Variants in DLGAP2 observed in about 807,000 individuals in gnomAD.
DLGAP2 encodes DLG associated protein 2, also known as disks large-associated protein 2.
In DLGAP2, 26 loss-of-function variants were observed where a neutral mutation model predicts 100.3. That is an observed-to-expected ratio of 0.26 (90% confidence interval 0.19 to 0.36). The LOEUF is 0.36. Ranked by LOEUF, DLGAP2 falls within the 10% of genes least tolerant of loss-of-function variation. DLGAP2 has a pLI of 1.00. For synonymous variants in DLGAP2, 886 were observed against 630.1 expected (o/e 1.41, Z -6.08); for missense variants, 1,858 against 1,453.2 (o/e 1.28, Z -4.53).
At chr8:1,076,949 C>T (rs1563179399) in intron 2 of DLGAP2, among the ~76,000 whole-genome samples, 1 of 145,438 alleles carries the variant, frequency 6.9e-6, no homozygotes, top group Admixed American at 6.8e-5. Flanking sequence ...TCCCGGGCCC[C>T]CCAAGACCAA....
At chr8:1,483,886 T>G (rs7814458) in intron 3 of DLGAP2, among the ~76,000 whole-genome samples, 83,244 of 152,122 alleles carry the variant, frequency 0.55, 24,394 homozygotes, top group Admixed American at 0.66. Context: ...CCTGTTAGTT[T>G]CAAACATAGC....
intron 1 of DLGAP2, among the ~76,000 whole-genome samples, chr8:841,797 C>T (rs141947044): frequency 6.6e-6 from 1 of 152,304 alleles, no homozygotes; most frequent in Non-Finnish European, 1.5e-5. Flanking sequence ...CTGATACTTC[C>T]AATTTGAACT....
In DLGAP2 at chr8:1,023,859, G is replaced by A. The variant is rs1046545936; in HGVS notation, c.73+115893G>A. 8.9e-5 allele frequency among the ~76,000 whole-genome samples: 7 copies of A among 78,932 alleles called. No individual in the cohort carries two copies. In the East Asian group the frequency reaches 9.7e-4, roughly 11 times the overall value. The allele number at this position is 78,932 out of a possible 152,430, so 51.8% of individuals were successfully genotyped here. ...CTGCAAGTGCTCAAACTTTATATAT[G>A]TGTGTGTGTGTGTGTGTGTGTGTGT... is the stretch of plus-strand genomic sequence containing the variant. On this transcript the variant is annotated intron_variant, in intron 2 of 14. Coordinates refer to ENST00000637795, the MANE Select transcript of DLGAP2 (RefSeq NM_001346810.2).
At chr8:740,285 C>T (rs188377858) in intron 1 of DLGAP2, 1 of 152,304 alleles carries the variant, frequency 6.6e-6, no homozygotes, top group African/African-American at 2.4e-5. Context: ...TATTCAATGT[C>T]TATTTGTTAT....
chr8:941,254 C>T (rs1319191033), intron 2 of DLGAP2, among the ~76,000 whole-genome samples: 1 of 152,084 alleles, frequency 6.6e-6, no homozygotes, highest in Non-Finnish European at 1.5e-5. Flanking sequence ...CTGGTTTTAG[C>T]ATAGACTGAG....
At chr8:862,748 G>A (rs1797417539) in intron 1 of DLGAP2, among the ~76,000 whole-genome samples, 1 of 152,188 alleles carries the variant, frequency 6.6e-6, no homozygotes. Context: ...CCAGTTGGAC[G>A]TGGTTGAACT....
intron 1 of DLGAP2, chr8:822,163 G>A (rs985460088): frequency 1.5e-5 from 6 of 399,402 alleles, no homozygotes; most frequent in South Asian, 2.5e-4. Context: ...CTCTGCCTGC[G>A]CCCAGCCCAG....
chr8:1,464,283 C>T lies in DLGAP2; in HGVS notation c.107-37083C>T, dbSNP rs1202999807. Among the ~76,000 whole-genome samples, 12 of 41,474 alleles carry T rather than the reference C, an allele frequency of 2.9e-4. 1 individual carries two copies. The highest frequency in any genetic ancestry group is 9.2e-4 in the African/African-American group (9 of 9,766). The allele number at this position is 41,474 out of a possible 152,430, so 27.2% of individuals were successfully genotyped here. A position where few individuals can be genotyped will look rare whatever the true frequency, so the allele number is the denominator to read the frequency against. The stretch of plus-strand genomic sequence containing the variant: ...CTTCCAGGACGGCACCCTTCCAGGA[C>T]AACGCCCTTCCAGGATGGCACCCTT... On this transcript the variant is annotated intron_variant, in intron 3 of 14. Coordinates refer to ENST00000637795, the MANE Select transcript of DLGAP2 (RefSeq NM_001346810.2).
chr8:847,504 C>A (rs1480519333), intron 1 of DLGAP2, among the ~76,000 whole-genome samples: 1 of 151,132 alleles, frequency 6.6e-6, no homozygotes, highest in African/African-American at 2.4e-5. Flanking sequence ...GTACTTTTTT[C>A]TTTTCTTTTT....
intron 3 of DLGAP2, among the ~76,000 whole-genome samples, chr8:1,315,103 G>C (rs1800701717): frequency 6.6e-6 from 1 of 152,258 alleles, no homozygotes; most frequent in Admixed American, 6.5e-5. Flanking sequence ...CGACACCATA[G>C]AACCGTATTT....
At chr8:1,269,177 T>C (rs563713947) in intron 3 of DLGAP2, among the ~76,000 whole-genome samples, 1 of 152,348 alleles carries the variant, frequency 6.6e-6, no homozygotes, top group South Asian at 2.1e-4. Context: ...TCGTTGCTGC[T>C]TCCTTCCCTG....
intron 3 of DLGAP2, among the ~76,000 whole-genome samples, chr8:1,390,269 C>T (rs369601358): frequency 3.3e-5 from 5 of 152,178 alleles, no homozygotes; most frequent in Non-Finnish European, 7.3e-5. Flanking sequence ...CTCCAGAAGG[C>T]GCAGAAATGT....
At chr8:1,328,290 T>G (rs900699088) in intron 3 of DLGAP2, among the ~76,000 whole-genome samples, 1 of 150,668 alleles carries the variant, frequency 6.6e-6, no homozygotes. Context: ...TCCACCCACT[T>G]CAGCCTCCCA....
chr8:1,209,524 T>C (rs926898217), intron 2 of DLGAP2, among the ~76,000 whole-genome samples: 13 of 152,328 alleles, frequency 8.5e-5, no homozygotes, highest in African/African-American at 2.6e-4. Flanking sequence ...ATCATTTTCA[T>C]AAATACAATT....
At chr8:1,650,120 T>G (rs878016) in intron 8 of DLGAP2, among the ~76,000 whole-genome samples, 33,529 of 152,134 alleles carry the variant, frequency 0.22, 4,136 homozygotes, top group East Asian at 0.33. Flanking sequence ...GAGTATTTCT[T>G]GTATCCATTT....
chr8:1,604,864 C>T (rs1026924300), intron 6 of DLGAP2: 6 of 152,164 alleles, frequency 3.9e-5, no homozygotes, highest in Admixed American at 2.6e-4. Context: ...ATACCACAGG[C>T]AGAATCATAG....
chr8:1,330,425 C>G (rs532077458), intron 3 of DLGAP2, among the ~76,000 whole-genome samples: 1 of 120,838 alleles, frequency 8.3e-6, no homozygotes, highest in East Asian at 2.9e-4. Flanking sequence ...CACCGCTTCG[C>G]GGGGACTGAG....
chr8:1,526,091 G>A, intron 4 of DLGAP2, among the ~76,000 whole-genome samples: 1 of 151,622 alleles, frequency 6.6e-6, no homozygotes, highest in Admixed American at 6.6e-5. Flanking sequence ...CAGCCAGTAA[G>A]TTTCAGATTT....
At chr8:963,005 A>C (rs1377729488) in intron 2 of DLGAP2, among the ~76,000 whole-genome samples, 1 of 152,228 alleles carries the variant, frequency 6.6e-6, no homozygotes. Context: ...GGGAATGGGC[A>C]GCCCTCGCAC....
Sources: gnomAD v4.1 joint callset for allele counts (sites outside exome capture counted in the v4.1 genomes callset) on GRCh38, gnomAD v4.1.1 for gene constraint, MANE v1.5 for transcripts, NCBI Gene and HGNC (gene_info 2026-07-23, HGNC 2026-07-21) for gene names.